Variants in CALCOCO1 observed in about 807,000 individuals in gnomAD.
The protein encoded by CALCOCO1 is calcium binding and coiled-coil domain 1, also known as calcium-binding and coiled-coil domain-containing protein 1.
Under a neutral mutation model 86.3 loss-of-function variants are expected in CALCOCO1, and 44 were observed. The observed-to-expected ratio is 0.51, with a 90% CI of 0.40 to 0.66. The LOEUF is 0.66. Ranked by LOEUF, CALCOCO1 falls within the 30% of genes least tolerant of loss-of-function variation. The pLI, the probability that CALCOCO1 is intolerant of heterozygous loss-of-function variation, is 0.00. For synonymous variants in CALCOCO1, 297 were observed against 327.6 expected, an observed-to-expected ratio of 0.91 and a Z score of 1.01; for missense variants, 708 against 851.1, an observed-to-expected ratio of 0.83 and a Z score of 2.09.
chr12:53,712,968 C>T (rs1661320571), intron 14 of CALCOCO1, 132 bp downstream of exon 14: 2 of 1,243,034 alleles, frequency 1.6e-6, no homozygotes, highest in African/African-American at 3.0e-5. Flanking sequence ...GTTAACCATA[C>T]CTGTATCTCC....
At chr12:53,712,846 G>T (rs977221386) in intron 14 of CALCOCO1, 2 of 1,455,466 alleles carry the variant, frequency 1.4e-6, no homozygotes, top group African/African-American at 2.8e-5. Flanking sequence ...AGAAGATGGT[G>T]CTAGAACAAC....
chr12:53,724,030 TTTTA>T (rs1247587602), intron 3 of CALCOCO1: 4 of 494,774 alleles, frequency 8.1e-6, no homozygotes, highest in Non-Finnish European at 1.5e-5. Flanking sequence ...TGGTAACACT[TTTTA>T]TTTTATTTTA....
chr12:53,715,633 A>G (rs1415455277), intron 9 of CALCOCO1, 160 bp downstream of exon 9: 1 of 969,588 alleles, frequency 1.0e-6, no homozygotes, highest in African/African-American at 1.6e-5. Flanking sequence ...GGTCATGCCT[A>G]GAAAGTAAAG....
chr12:53,712,099 A>G lies in CALCOCO1; in HGVS notation c.1921T>C (p.Ser641Pro). The G allele has an allele frequency of 6.2e-7, 1 of 1,606,994 alleles. No homozygotes were observed. The highest frequency in any genetic ancestry group is 1.1e-5 in the South Asian group (1 of 89,890). ...GCAGGGCCCCCAGTGCTGGTTTCTG[A>G]CAGGGTACCCACTGTAAAGCCACTA... ...MASGFTVGTL[S>P]ETSTGGPATP... is the part of the protein sequence containing the mutation. Residue 641 changes from serine to proline, a missense_variant, in exon 15 of 15, where the codon TCA becomes CCA. Ser to Pro is a moderately conservative substitution (Grantham distance 74, BLOSUM62 -1). Transcript: ENST00000550804.
intron 14 of CALCOCO1, 119 bp downstream of exon 14, chr12:53,712,981 T>G (rs1945611707): frequency 2.3e-6 from 3 of 1,279,462 alleles, no homozygotes; most frequent in Non-Finnish European, 3.3e-6. Context: ...GTATCTCCTT[T>G]TCTTGGCTGA....
At position 53,711,775 on chromosome 12, in the gene CALCOCO1, T is replaced by G; in HGVS notation, c.*169A>C. On this transcript the variant is annotated 3_prime_UTR_variant, in exon 15 of 15. Coordinates refer to ENST00000550804, the MANE Select transcript of CALCOCO1 (RefSeq NM_020898.3). ...GACAAAAGAGCCAGGTAGGAGAGGA[T>G]GAAGTGAGAAATCTTGGGATGAAAA... 1.8e-6 allele frequency: 1 copy of G among 555,568 alleles called. No individual in the cohort carries two copies. The highest frequency in any genetic ancestry group is 3.5e-5 in the East Asian group (1 of 28,398). The allele number at this position is 555,568 out of a possible 1,614,324, so 34.4% of individuals were successfully genotyped here.
At chr12:53,716,094 T>TA (rs748293382) in intron 8 of CALCOCO1, 47 bp from the exon 9 acceptor site, 1 of 1,604,876 alleles carries the variant, frequency 6.2e-7, no homozygotes, top group Non-Finnish European at 8.5e-7. Flanking sequence ...AGTGAATCAT[T>TA]CATCAGCCAG....
At position 53,712,079 on chromosome 12, in the gene CALCOCO1, GC is replaced by G; in HGVS notation, c.1940del (p.Gly647AlafsTer69). ...VGTLSETSTG[G>X]PATPTWKECP... Reference sequence around the variant, plus strand: ...ACTCCTTCCATGTGGGGGTGGCAGGGCCCCCAGTGCTGGTTTCTGACAGGGT... The same window carrying G: ...ACTCCTTCCATGTGGGGGTGGCAGGGCCCCAGTGCTGGTTTCTGACAGGGT... On this transcript the variant is annotated frameshift_variant, in exon 15 of 15. Transcript: ENST00000550804. LOFTEE classifies it high-confidence loss of function. 6.2e-7 allele frequency: 1 copy of G among 1,610,124 alleles called. No homozygotes were observed. The highest frequency in any genetic ancestry group is 8.5e-7 in the Non-Finnish European group (1 of 1,178,158).
intron 8 of CALCOCO1, 29 bp downstream of exon 8, chr12:53,716,231 G>GT: frequency 6.2e-7 from 1 of 1,611,240 alleles, no homozygotes; most frequent in Non-Finnish European, 8.5e-7. Context: ...GGAATTTCCC[G>GT]TTTCCTGTTG....
At position 53,714,189 on chromosome 12, in the gene CALCOCO1, T is replaced by A. The variant is rs756534275; in HGVS notation, c.1535A>T (p.Asp512Val). Residue 512 changes from aspartate (D) to valine (V), a missense_variant, in exon 12 of 15, where the codon GAT becomes GTT. By Grantham distance (152) the Asp-to-Val change is radical (BLOSUM62 -3). Coordinates refer to ENST00000550804, the MANE Select transcript of CALCOCO1 (RefSeq NM_020898.3). ...KLEARLEKVADEKWNEDATTE... is the reference protein window; with the variant it reads ...KLEARLEKVAVEKWNEDATTE... ...GGTGGCATCCTCATTCCACTTCTCA[T>A]CTGCCACCTTCTCCAGGCGGGCCTC... is the stretch of plus-strand genomic sequence containing the variant. The A allele has an allele frequency of 1.7e-5, 28 of 1,613,760 alleles. No homozygotes were observed. The South Asian group carries it at 3.1e-4, about 18-fold the overall frequency.
At chr12:53,720,625 G>A (rs1437963635) in intron 6 of CALCOCO1, among the ~76,000 whole-genome samples, 1 of 152,168 alleles carries the variant, frequency 6.6e-6, no homozygotes, top group African/African-American at 2.4e-5. Context: ...CCTCTCAGAC[G>A]AACTCACTTA....
chr12:53,722,305 G>A (rs371780359), intron 4 of CALCOCO1, 122 bp from the exon 5 acceptor site: 3 of 1,059,474 alleles, frequency 2.8e-6, no homozygotes, highest in Non-Finnish European at 4.2e-6. Context: ...GTTATAAAGA[G>A]GTGAGGAAGG....
chr12:53,726,741 T>G (rs1428656939), intron 1 of CALCOCO1, among the ~76,000 whole-genome samples: 1 of 152,212 alleles, frequency 6.6e-6, no homozygotes, highest in African/African-American at 2.4e-5. Context: ...GAAAAATTCC[T>G]GGTTGAAACT....
At chr12:53,723,481 C>G (rs2293441) in intron 4 of CALCOCO1, 112 bp downstream of exon 4, 49,165 of 1,088,610 alleles carry the variant, frequency 0.045, 3,475 homozygotes, top group East Asian at 0.3. Context: ...TAACTTTCAA[C>G]GAGGTCTTTA....
At position 53,711,170 on chromosome 12, in the gene CALCOCO1, G is replaced by T; in HGVS notation, c.*774C>A. The stretch of plus-strand genomic sequence containing the variant: ...AACTACAAAGGGATGGATATCAGGG[G>T]GAAGCTTTTATTGCTGTGGGGGGAC... On this transcript the variant is annotated 3_prime_UTR_variant, in exon 15 of 15. Transcript: ENST00000550804. 1 of 398,782 alleles carries T rather than the reference G, an allele frequency of 2.5e-6. No homozygotes were observed. The highest frequency in any genetic ancestry group is 4.4e-6 in the Non-Finnish European group (1 of 225,948). The allele number at this position is 398,782 out of a possible 1,614,324, so 24.7% of individuals were successfully genotyped here.
intron 3 of CALCOCO1, chr12:53,724,024 A>C: frequency 1.9e-6 from 1 of 535,354 alleles, no homozygotes; most frequent in South Asian, 2.2e-5. Flanking sequence ...ACACTGTGGT[A>C]ACACTTTTTA....
At chr12:53,727,225 C>T (rs1363105849) in intron 1 of CALCOCO1, among the ~76,000 whole-genome samples, 179 bp downstream of exon 1, 3 of 152,150 alleles carry the variant, frequency 2.0e-5, no homozygotes, top group African/African-American at 7.2e-5. Context: ...ATCAGAGTCC[C>T]CTTGAAACCA....
In CALCOCO1 at chr12:53,725,190, A is replaced by C. The variant is rs1182459950; in HGVS notation, c.53T>G (p.Leu18Arg). 2.5e-6 allele frequency: 4 copies of C among 1,612,610 alleles called. No individual in the cohort carries two copies. The highest frequency in any genetic ancestry group is 2.5e-6 in the Non-Finnish European group (3 of 1,179,368). The change falls in exon 2 of 15, where the codon CTC (leucine) becomes CGC (arginine). Residue 18 changes from leucine (L) to arginine (R), a missense_variant. Coordinates refer to ENST00000550804, the MANE Select transcript of CALCOCO1 (RefSeq NM_020898.3). ...GGGGATGTAGGTCCGGGCTACATTG[A>C]GAAAGTTGACTCCACCACGGGATGG... Reference protein sequence around the residue: ...RAPSRGGVNFLNVARTYIPNT... With the variant: ...RAPSRGGVNFRNVARTYIPNT...
chr12:53,711,731 G>T lies in CALCOCO1; in HGVS notation c.*213C>A. The T allele has an allele frequency of 2.2e-6, 1 of 454,092 alleles. No individual in the cohort carries two copies. The highest frequency in any genetic ancestry group is 4.9e-5 in the South Asian group (1 of 20,578). The allele number at this position is 454,092 out of a possible 1,614,324, so 28.1% of individuals were successfully genotyped here. On this transcript the variant is annotated 3_prime_UTR_variant, in exon 15 of 15. Coordinates refer to ENST00000550804, the MANE Select transcript of CALCOCO1 (RefSeq NM_020898.3). The stretch of plus-strand genomic sequence containing the variant: ...GGGGATAAATTCAGCCACTGCTTCC[G>T]AACAGGACCCCTCCCTGGGACAAAA...
Sources: gnomAD v4.1 joint callset for allele counts (sites outside exome capture counted in the v4.1 genomes callset) on GRCh38, gnomAD v4.1.1 for gene constraint, MANE v1.5 for transcripts, NCBI Gene and HGNC (gene_info 2026-07-23, HGNC 2026-07-21) for gene names.